CDH19: variants seen among roughly 807,000 people sequenced by gnomAD.
The protein encoded by CDH19 is cadherin-19.
A neutral mutation model predicts 64.2 loss-of-function variants in CDH19; 67 were observed. The observed-to-expected ratio is 1.04, with a 90% confidence interval of 0.86 to 1.28. CDH19 has a LOEUF of 1.28. CDH19 is among the 50% of genes most tolerant of loss of function. The pLI is 0.00. For synonymous variants in CDH19, 346 were observed against 319.3 expected (o/e 1.08, Z -0.89); for missense variants, 1,030 against 929.0 (o/e 1.11, Z -1.41).
intron 7 of CDH19, among the ~76,000 whole-genome samples, chr18:66,536,198 T>C (rs1986663932): frequency 6.6e-6 from 1 of 151,572 alleles, no homozygotes; most frequent in Non-Finnish European, 1.5e-5. Flanking sequence ...AAGACTTTGA[T>C]GAGATATCAA....
In CDH19 at chr18:66,553,657, T is replaced by TTA. The variant is rs1405036832; in HGVS notation, c.610+746_610+747dup. Reference sequence around the variant, plus strand: ...ACTTCTCACGTTCTTGGGTGATTAGTTATATATATATATTTTTTCAGTGGA... The same window carrying TTA: ...ACTTCTCACGTTCTTGGGTGATTAGTTATATATATATATATTTTTTCAGTGGA... On this transcript the variant is annotated intron_variant, in intron 4 of 11. Transcript: ENST00000262150. 6.8e-5 allele frequency among the ~76,000 whole-genome samples: 9 copies of TTA among 132,414 alleles called. 1 individual carries two copies. The highest frequency in any genetic ancestry group is 3.6e-3 in the Middle Eastern group (1 of 276). The allele number at this position is 132,414 out of a possible 152,430, so 86.9% of individuals were successfully genotyped here.
rs1480951281 is a variant in CDH19 at position 66,504,969 on chromosome 18, T to C, written c.2162A>G (p.Tyr721Cys). 1.2e-6 allele frequency: 2 copies of C among 1,613,472 alleles called. No homozygotes were observed. The highest frequency in any genetic ancestry group is 1.7e-6 in the Non-Finnish European group (2 of 1,179,694). Residue 721 changes from tyrosine (Y) to cysteine (C), a missense_variant, in exon 12 of 12, where the codon TAC becomes TGC. By Grantham distance (194) the Tyr-to-Cys change is radical (BLOSUM62 -2). Transcript: ENST00000262150. ...TAATGACCCTGTTCCCTCAAAAGCG[T>C]AGGTCTGGAGGGAATCAAAAGGAGG... Reference protein sequence around the residue: ...CAPPFDSLQTYAFEGTGSLAG... With the variant: ...CAPPFDSLQTCAFEGTGSLAG...
chr18:66,515,117 T>A (rs368912391), intron 9 of CDH19, among the ~76,000 whole-genome samples: 30 of 151,722 alleles, frequency 2.0e-4, no homozygotes, highest in African/African-American at 6.0e-4. Context: ...AATAAAAAAA[T>A]GCTTCTCAAT....
At chr18:66,525,104 G>A (rs73537766) in intron 9 of CDH19, among the ~76,000 whole-genome samples, 2,568 of 151,948 alleles carry the variant, frequency 0.017, 65 homozygotes, top group African/African-American at 0.057. Flanking sequence ...CCTTATTTTG[G>A]TGATTAACTG....
At chr18:66,532,489 TACACACACACACAC>T (rs34280650) in intron 8 of CDH19, 1 of 146,234 alleles carries the variant, frequency 6.8e-6, no homozygotes, top group African/African-American at 2.7e-5. Context: ...AGAGCATTCA[TACACACACACACAC>T]ACACACACAC....
At chr18:66,564,421 C>T (rs971200069) in intron 3 of CDH19, among the ~76,000 whole-genome samples, 4 of 151,668 alleles carry the variant, frequency 2.6e-5, no homozygotes, top group Non-Finnish European at 5.9e-5. Context: ...ATGGTTATTG[C>T]AAGTGGAAGG....
At chr18:66,508,670 C>A (rs1459155542) in intron 11 of CDH19, among the ~76,000 whole-genome samples, 1 of 151,732 alleles carries the variant, frequency 6.6e-6, no homozygotes, top group Non-Finnish European at 1.5e-5. Flanking sequence ...GAGAGAAGCT[C>A]GCCATTATTA....
At chr18:66,509,504 T>C (rs923848201) in intron 10 of CDH19, among the ~76,000 whole-genome samples, 2 of 151,838 alleles carry the variant, frequency 1.3e-5, no homozygotes, top group African/African-American at 4.8e-5. Flanking sequence ...TATTATTAAA[T>C]ATTGAGTTGA....
intron 9 of CDH19, 146 bp downstream of exon 9, chr18:66,529,699 T>A (rs1986363682): frequency 4.8e-6 from 1 of 209,414 alleles, no homozygotes; most frequent in Non-Finnish European, 9.6e-6. Flanking sequence ...TAATATAGAA[T>A]TACAATAATT....
intron 8 of CDH19, among the ~76,000 whole-genome samples, chr18:66,531,429 C>A (rs1256756422): frequency 6.6e-6 from 1 of 152,034 alleles, no homozygotes; most frequent in Admixed American, 6.6e-5. Context: ...GCAGCCTGAG[C>A]AATATAGTGA....
intron 1 of CDH19, among the ~76,000 whole-genome samples, chr18:66,596,466 A>G (rs1988891062): frequency 6.6e-6 from 1 of 152,132 alleles, no homozygotes; most frequent in African/African-American, 2.4e-5. Flanking sequence ...TTGGGATACA[A>G]TATCAAGGTA....
intron 3 of CDH19, among the ~76,000 whole-genome samples, chr18:66,560,611 T>A (rs1987684613): frequency 6.6e-6 from 1 of 151,982 alleles, no homozygotes; most frequent in Non-Finnish European, 1.5e-5. Flanking sequence ...AAAACATATA[T>A]TTAGTCCTGG....
rs527390171 is a variant in CDH19, at chr18:66,584,790, G to A, written c.-112-12474C>T. ...TTCCTGTGTGTTTGCAGTCAAACCT[G>A]TACAATATTTTCATGTTTTTCTAAA... is the stretch of plus-strand genomic sequence containing the variant. On this transcript the variant is annotated intron_variant, in intron 1 of 11. Coordinates refer to ENST00000262150, the MANE Select transcript of CDH19 (RefSeq NM_021153.4). Among the ~76,000 whole-genome samples the A allele has an allele frequency of 3.3e-5, 5 of 152,088 alleles. No individual in the cohort carries two copies. In the East Asian group the frequency reaches 9.7e-4, roughly 29 times the overall value.
intron 9 of CDH19, among the ~76,000 whole-genome samples, chr18:66,515,908 T>G (rs1400796761): frequency 6.6e-6 from 1 of 151,828 alleles, no homozygotes. Context: ...CAATCATGGA[T>G]AAAGTTAGTC....
In CDH19 at chr18:66,544,132, C is replaced by T. The variant is rs781191590; in HGVS notation, c.1053G>A (p.Glu351=). ...VPEQLMKYHT[E]ASTTFIKIQV... ...GGATCTTAATGAAAGTGGTGGAAGC[C>T]TCAGTGTGGTACTTCATGAGCTGCT... Residue 351 remains glutamate (E), a synonymous_variant, in exon 7 of 12, where the codon GAG becomes GAA. Transcript: ENST00000262150. 6.2e-7 allele frequency: 1 copy of T among 1,613,904 alleles called. No individual in the cohort carries two copies. The highest frequency in any genetic ancestry group is 8.5e-7 in the Non-Finnish European group (1 of 1,179,884).
rs770122707 is a variant in CDH19, at chr18:66,505,164, A to G, written c.1967T>C (p.Ile656Thr). The change falls in exon 12 of 12, where the codon ATA (isoleucine) becomes ACA (threonine). Residue 656 changes from isoleucine (I) to threonine (T), a missense_variant. Ile to Thr is a moderately conservative substitution (Grantham distance 89, BLOSUM62 -1). Transcript: ENST00000262150. ...GGEEDTEAFD[I>T]AELRSSTIMR... is the part of the protein sequence containing the mutation. ...TATGGTACTACTCCTCAGCTCTGCT[A>G]TATCAAAGGCCTCTGTATCTTCTTC... 1.1e-5 allele frequency: 17 copies of G among 1,613,492 alleles called. No homozygotes were observed. The highest frequency in any genetic ancestry group is 1.4e-5 in the Non-Finnish European group (17 of 1,179,636).
intron 3 of CDH19, among the ~76,000 whole-genome samples, chr18:66,563,221 T>A (rs1028264145): frequency 1.3e-5 from 2 of 152,106 alleles, no homozygotes; most frequent in African/African-American, 4.8e-5. Flanking sequence ...TATGGAATAC[T>A]AAAGTACAGG....
At position 66,564,766 on chromosome 18, in the gene CDH19, G is replaced by C. The variant is rs77303528; in HGVS notation, c.490+3650C>G. On this transcript the variant is annotated intron_variant, in intron 3 of 11. Transcript: ENST00000262150. ...CTGGCTAAAGCATGTTTCACTTTTAGCAGGATTTTGTGCTGATTTGCAGAA... is the reference window on the plus strand; with the variant it reads ...CTGGCTAAAGCATGTTTCACTTTTACCAGGATTTTGTGCTGATTTGCAGAA... Among the ~76,000 whole-genome samples, 7 of 151,838 alleles carry C rather than the reference G, an allele frequency of 4.6e-5. No homozygotes were observed. The East Asian group carries it at 1.4e-3, about 29-fold the overall frequency.
At chr18:66,537,514 G>A (rs376093014) in intron 7 of CDH19, among the ~76,000 whole-genome samples, 2 of 151,832 alleles carry the variant, frequency 1.3e-5, no homozygotes, top group Non-Finnish European at 2.9e-5. Context: ...CATTTCTCTG[G>A]GGTAAAATTG....
Sources: gnomAD v4.1 joint callset for allele counts (sites outside exome capture counted in the v4.1 genomes callset) on GRCh38, gnomAD v4.1.1 for gene constraint, MANE v1.5 for transcripts, NCBI Gene and HGNC (gene_info 2026-07-23, HGNC 2026-07-21) for gene names.